The following ENTPD4 variants were observed in gnomAD, a reference collection of about 807,000 sequenced individuals.
The protein encoded by ENTPD4 is Golgi UDPase.
A neutral mutation model predicts 79.1 loss-of-function variants in ENTPD4; 60 were observed. The observed-to-expected ratio is 0.76, with a 90% CI of 0.62 to 0.94. The LOEUF (loss-of-function observed/expected upper bound fraction) is 0.94. ENTPD4 is among the 40% of genes least tolerant of loss of function. The probability of loss-of-function intolerance (pLI) is 0.00; values close to 1 mark genes in which losing one functional copy is unlikely to be tolerated. For synonymous variants in ENTPD4, 276 were observed against 292.0 expected, an observed-to-expected ratio of 0.95 and a Z score of 0.56; for missense variants, 772 against 775.1, an observed-to-expected ratio of 1.00 and a Z score of 0.05.
chr8:23,441,754 A>G, intron 7 of ENTPD4, 31 bp from the exon 8 acceptor site: 1 of 1,610,348 alleles, frequency 6.2e-7, no homozygotes. Flanking sequence ...TCACTGGAAC[A>G]GAACTAATCC....
intron 4 of ENTPD4, among the ~76,000 whole-genome samples, chr8:23,446,560 G>A (rs1800766500): frequency 6.6e-6 from 1 of 152,150 alleles, no homozygotes; most frequent in Non-Finnish European, 1.5e-5. Flanking sequence ...CTGGTATACA[G>A]ACACACAGTA....
At chr8:23,450,816 GC>G (rs746103686) in intron 1 of ENTPD4, among the ~76,000 whole-genome samples, 1 of 151,962 alleles carries the variant, frequency 6.6e-6, no homozygotes, top group Non-Finnish European at 1.5e-5. Context: ...CAGCCTATGA[GC>G]CATCTCTATC....
At chr8:23,434,282 C>T in intron 12 of ENTPD4, 35 bp downstream of exon 12, 5 of 1,606,276 alleles carry the variant, frequency 3.1e-6, no homozygotes, top group Non-Finnish European at 4.3e-6. Flanking sequence ...AGAAAAGCAT[C>T]TTTTTGATTC....
At chr8:23,455,151 C>T (rs1314244582) in intron 1 of ENTPD4, among the ~76,000 whole-genome samples, 3 of 152,016 alleles carry the variant, frequency 2.0e-5, no homozygotes, top group East Asian at 1.9e-4. Context: ...CAGATAACGA[C>T]GAAAACAATG....
chr8:23,447,704 G>T lies in ENTPD4; in HGVS notation c.388C>A (p.Pro130Thr), dbSNP rs1488682638. Residue 130 changes from proline to threonine, a missense_variant, in exon 4 of 13, where the codon CCA (proline) becomes ACA (threonine). Pro to Thr is a conservative substitution (Grantham distance 38). Transcript: ENST00000358689. ...CCCGGTTTTATCTTCATGACCACTG[G>T]CTTTCGGTTTTTATCCCTCATTTGC... The part of the protein sequence containing the change: ...IRQMRDKNRK[P>T]VVMKIKPGIS... 5.8e-5 allele frequency: 93 copies of T among 1,613,910 alleles called. No individual in the cohort carries two copies. The Admixed American group carries it at 1.6e-3, about 27-fold the overall frequency.
Position 23,436,942 on chromosome 8 carries a change from CT to C in ENTPD4, c.1365del (p.Ala456LeufsTer58). On this transcript the variant is annotated frameshift_variant, in exon 10 of 13. Coordinates refer to ENST00000358689, the MANE Select transcript of ENTPD4 (RefSeq NM_004901.5). LOFTEE classifies it high-confidence loss of function. ...GGDYNAAKFT[K>X]AAKDYCATKW... Reference sequence around the variant, plus strand: ...GCGTCTCTCAAGGGTACCTTTGCAGCTTTAGTAAATTTAGCAGCATTGTAGT... The same window carrying C: ...GCGTCTCTCAAGGGTACCTTTGCAGCTTAGTAAATTTAGCAGCATTGTAGT... 1 of 1,589,406 alleles carries C rather than the reference CT, an allele frequency of 6.3e-7. No individual in the cohort carries two copies. The highest frequency in any genetic ancestry group is 1.1e-5 in the South Asian group (1 of 87,014).
At position 23,430,031 on chromosome 8, in the gene ENTPD4, G is replaced by A; in HGVS notation, c.*2895C>T. The A allele has an allele frequency of 1.0e-6, 1 of 985,462 alleles. No individual in the cohort carries two copies. The highest frequency in any genetic ancestry group is 1.2e-6 in the Non-Finnish European group (1 of 829,940). The allele number at this position is 985,462 out of a possible 1,614,324, so 61.0% of individuals were successfully genotyped here. A position where few individuals can be genotyped will look rare whatever the true frequency, so the allele number is the denominator to read the frequency against. On this transcript the variant is annotated 3_prime_UTR_variant, in exon 13 of 13. Coordinates refer to ENST00000358689, the MANE Select transcript of ENTPD4 (RefSeq NM_004901.5). ...TTTTCTTTGATAAAGCTTTGGGCAA[G>A]TTCCTAGTCCAATTTCTTCTGCTAC...
In ENTPD4 at chr8:23,434,418, A is replaced by G. The variant is rs1388254667; in HGVS notation, c.1521T>C (p.Pro507=). ...FEVFHRGFSF[P]VNYKSLKTAL... is the part of the protein sequence containing the mutation. ...CAGTCTTTAAGCTTTTATAGTTGAC[A>G]GGAAACGAAAAGCCCCTATGAAACA... Residue 507 remains proline, a synonymous_variant, in exon 12 of 13, where the codon CCT becomes CCC. Coordinates refer to ENST00000358689, the MANE Select transcript of ENTPD4 (RefSeq NM_004901.5). 1.2e-6 allele frequency: 2 copies of G among 1,614,210 alleles called. No homozygotes were observed. Among genetic ancestry groups the G allele is most frequent in the Admixed American group, 1.7e-5 (1 of 60,018 alleles).
chr8:23,451,755 C>G (rs915728548), intron 1 of ENTPD4, among the ~76,000 whole-genome samples: 17 of 152,160 alleles, frequency 1.1e-4, no homozygotes, highest in Non-Finnish European at 1.5e-5. Context: ...TTGTTGCCCC[C>G]TCTACTAGGA....
rs965045203 is a variant in ENTPD4 at position 23,431,018 on chromosome 8, C to G, written c.*1908G>C. ...GGCTGCTGGTAACACGCTTTGAAATCCAGGTGAGGGAGCCATGCCCCCACA... is the reference window on the plus strand; with the variant it reads ...GGCTGCTGGTAACACGCTTTGAAATGCAGGTGAGGGAGCCATGCCCCCACA... On this transcript the variant is annotated 3_prime_UTR_variant, in exon 13 of 13. Transcript: ENST00000358689. The G allele has an allele frequency of 1.0e-6, 1 of 972,248 alleles. No individual in the cohort carries two copies. The highest frequency in any genetic ancestry group is 1.2e-6 in the Non-Finnish European group (1 of 818,094). The allele number at this position is 972,248 out of a possible 1,614,324, so 60.2% of individuals were successfully genotyped here. A position where few individuals can be genotyped will look rare whatever the true frequency, so the allele number is the denominator to read the frequency against.
intron 3 of ENTPD4, 24 bp from the exon 4 acceptor site, chr8:23,447,909 TTTGA>T: frequency 1.3e-6 from 2 of 1,594,492 alleles, no homozygotes; most frequent in Non-Finnish European, 1.7e-6. Context: ...ACACGTATGC[TTTGA>T]TTTAGACAAA....
At chr8:23,437,601 T>C (rs1800592062) in intron 9 of ENTPD4, among the ~76,000 whole-genome samples, 1 of 152,222 alleles carries the variant, frequency 6.6e-6, no homozygotes, top group African/African-American at 2.4e-5. Context: ...CTAGTGCTTG[T>C]GGTTTTACCT....
At position 23,437,144 on chromosome 8, in the gene ENTPD4, C is replaced by A. The variant is rs1800579136; in HGVS notation, c.1164G>T (p.Gly388=). The A allele has an allele frequency of 6.2e-7, 1 of 1,614,022 alleles. No homozygotes were observed. ...QQNGQTIYLR[G]TGDFDLCRET... Reference sequence around the variant, plus strand: ...CTCGACACAGGTCAAAGTCTCCAGTCCCTCGTAGGTATATGGTTTGTCCAT... The same window carrying A: ...CTCGACACAGGTCAAAGTCTCCAGTACCTCGTAGGTATATGGTTTGTCCAT... The change falls in exon 10 of 13, where the codon GGG becomes GGT. Residue 388 remains glycine (G), a synonymous_variant. Coordinates refer to ENST00000358689, the MANE Select transcript of ENTPD4 (RefSeq NM_004901.5).
At chr8:23,437,837 G>C (rs1800599261) in intron 9 of ENTPD4, among the ~76,000 whole-genome samples, 1 of 152,210 alleles carries the variant, frequency 6.6e-6, no homozygotes, top group Non-Finnish European at 1.5e-5. Context: ...TCTCAATGAG[G>C]GGTGCAGTGC....
At position 23,448,943 on chromosome 8, in the gene ENTPD4, A is replaced by C; in HGVS notation, c.9-4T>G. 1.9e-6 allele frequency: 3 copies of C among 1,610,850 alleles called. No individual in the cohort carries two copies. The highest frequency in any genetic ancestry group is 2.5e-6 in the Non-Finnish European group (3 of 1,178,006). ...AAAAAGACAGGAGATGCCAATCCTG[A>C]AATTAGAAGGAAAAAGATTTTAAAG... On this transcript the variant is annotated splice_region_variant and splice_polypyrimidine_tract_variant and intron_variant, in intron 2 of 12. Transcript: ENST00000358689.
chr8:23,445,291 G>T (rs1232941705), intron 4 of ENTPD4, among the ~76,000 whole-genome samples: 2 of 152,004 alleles, frequency 1.3e-5, no homozygotes, highest in Non-Finnish European at 2.9e-5. Context: ...GCCTGCCACA[G>T]CACATCCCAC....
Position 23,438,109 on chromosome 8 carries a change from T to A in ENTPD4, c.1050-851A>T, listed in dbSNP as rs375355386. Among the ~76,000 whole-genome samples the A allele has an allele frequency of 3.0e-4, 45 of 152,374 alleles. No individual in the cohort carries two copies. The South Asian group carries it at 3.1e-3, about 11-fold the overall frequency. ...AGGCACTAGGCTTATTACTTGCTAA[T>A]GAAATTTCTGGGAGTTAACATCTGT... On this transcript the variant is annotated intron_variant, in intron 9 of 12. Transcript: ENST00000358689.
chr8:23,437,231 A>G lies in ENTPD4; in HGVS notation c.1077T>C (p.Thr359=), dbSNP rs889661283. The G allele has an allele frequency of 6.2e-7, 1 of 1,610,760 alleles. No individual in the cohort carries two copies. Among genetic ancestry groups the G allele is most frequent in the Non-Finnish European group, 8.5e-7 (1 of 1,178,192 alleles). The part of the protein sequence containing the change: ...NRLLGKQTGL[T]PDMPYLDPCL... ...AGGGGTCCAAGTACGGCATATCAGGAGTCAGACCAGTCTGTTTACCCAGGA... is the reference window on the plus strand; with the variant it reads ...AGGGGTCCAAGTACGGCATATCAGGGGTCAGACCAGTCTGTTTACCCAGGA... The change falls in exon 10 of 13, where the codon ACT becomes ACC. Residue 359 remains threonine, a synonymous_variant. Coordinates refer to ENST00000358689, the MANE Select transcript of ENTPD4 (RefSeq NM_004901.5).
chr8:23,449,002 G>C (rs889837752), intron 2 of ENTPD4, 63 bp from the exon 3 acceptor site: 1 of 1,342,286 alleles, frequency 7.4e-7, no homozygotes, highest in Non-Finnish European at 1.1e-6. Context: ...TTCACCTAAA[G>C]TGATCCTAAA....
Sources: gnomAD v4.1 joint callset for allele counts (sites outside exome capture counted in the v4.1 genomes callset) on GRCh38, gnomAD v4.1.1 for gene constraint, MANE v1.5 for transcripts, NCBI Gene and HGNC (gene_info 2026-07-23, HGNC 2026-07-21) for gene names.